PKD1L1: variants seen among roughly 807,000 people sequenced by gnomAD.
PKD1L1 encodes polycystin 1 like 1, transient receptor potential channel interacting.
Under a neutral mutation model 323.4 loss-of-function variants are expected in PKD1L1, and 236 were observed. The observed-to-expected ratio is 0.73, with a 90% CI of 0.66 to 0.81. The LOEUF is 0.81. Ranked by LOEUF, PKD1L1 falls within the 40% of genes least tolerant of loss-of-function variation. PKD1L1 has a pLI of 0.00. For synonymous variants in PKD1L1, 1,344 were observed against 1,335.0 expected, an observed-to-expected ratio of 1.01 and a Z score of -0.15; for missense variants, 3,320 against 3,508.0, an observed-to-expected ratio of 0.95 and a Z score of 1.35.
At chr7:47,952,446 G>A (rs1346662665), upstream of PKD1L1, among the ~76,000 whole-genome samples, 3 of 152,158 alleles carry the variant, frequency 2.0e-5, no homozygotes, top group Non-Finnish European at 1.5e-5. Context: ...GCCTTGCTCC[G>A]CCCCATGGGC....
intron 21 of PKD1L1, among the ~76,000 whole-genome samples, chr7:47,879,504 G>A (rs1416931599): frequency 2.0e-5 from 3 of 151,548 alleles, no homozygotes; most frequent in African/African-American, 7.3e-5. Context: ...GTGGTGGCAG[G>A]CAGCTGTAAT....
intron 56 of PKD1L1, among the ~76,000 whole-genome samples, chr7:47,785,126 A>T (rs1324928554): frequency 1.3e-5 from 2 of 152,158 alleles, no homozygotes; most frequent in Non-Finnish European, 2.9e-5. Flanking sequence ...AACATGCTGA[A>T]TGAAGTCTGG....
At chr7:47,879,632 C>CAAAA (rs1254218793) in intron 21 of PKD1L1, among the ~76,000 whole-genome samples, 3 of 58,732 alleles carry the variant, frequency 5.1e-5, no homozygotes, top group Non-Finnish European at 6.5e-5. Context: ...GACTTTGTCT[C>CAAAA]AAAAAAAAAA....
chr7:47,800,389 G>A (rs1177030220), intron 54 of PKD1L1, among the ~76,000 whole-genome samples: 2 of 152,220 alleles, frequency 1.3e-5, no homozygotes, highest in Non-Finnish European at 2.9e-5. Flanking sequence ...GAGTGAGGGG[G>A]GCCAGGGAAG....
At chr7:47,902,654 G>A in intron 12 of PKD1L1, 143 bp from the exon 13 acceptor site, 1 of 1,068,980 alleles carries the variant, frequency 9.4e-7, no homozygotes, top group Non-Finnish European at 1.3e-6. Context: ...AAGAGTCAAG[G>A]GTCACAAGAC....
intron 15 of PKD1L1, 108 bp downstream of exon 15, chr7:47,893,767 TTGA>T: frequency 1.7e-6 from 2 of 1,147,474 alleles, no homozygotes; most frequent in Non-Finnish European, 2.4e-6. Context: ...TTAACGAAAG[TTGA>T]TGTGCTTAAA....
At position 47,800,803 on chromosome 7, in the gene PKD1L1, C is replaced by T; in HGVS notation, c.8039G>A (p.Gly2680Asp). ...FLLSMWVLPP[G>D]TFTDAFPGLL... The stretch of plus-strand genomic sequence containing the variant: ...CCCGGGGAAGGCGTCTGTGAAGGTG[C>T]CAGGTGGTAGAACCCACATAGAGAG... Residue 2680 changes from glycine to aspartate, a missense_variant, in exon 54 of 57, where the codon GGC becomes GAC. Coordinates refer to ENST00000289672, the MANE Select transcript of PKD1L1 (RefSeq NM_138295.5). The T allele has an allele frequency of 6.2e-7, 1 of 1,614,112 alleles. No homozygotes were observed. Among genetic ancestry groups the T allele is most frequent in the Non-Finnish European group, 8.5e-7 (1 of 1,180,028 alleles).
the PKD1L1 span, among the ~76,000 whole-genome samples, chr7:47,956,113 T>C: frequency 1.3e-5 from 2 of 152,138 alleles, no homozygotes; most frequent in South Asian, 4.1e-4. Context: ...ATCCCAGAAA[T>C]TGGGAGTGAA....
intron 5 of PKD1L1, 63 bp downstream of exon 5, chr7:47,931,873 T>G (rs1787777215): frequency 1.3e-6 from 2 of 1,563,172 alleles, no homozygotes; most frequent in Admixed American, 3.6e-5. Flanking sequence ...GTCTCCCCCA[T>G]ATGCATCAGA....
upstream of PKD1L1, among the ~76,000 whole-genome samples, chr7:47,951,400 T>C (rs1243142684): frequency 6.6e-6 from 1 of 152,258 alleles, no homozygotes; most frequent in Non-Finnish European, 1.5e-5. Flanking sequence ...ACATTCTGTA[T>C]TTCAGATTTA....
At position 47,874,028 on chromosome 7, in the gene PKD1L1, A is replaced by T; in HGVS notation, c.3785-18T>A. On this transcript the variant is annotated intron_variant, in intron 23 of 56. Transcript: ENST00000289672. ...AACCATGACTGTGAGGGAACATGTCAGAAGAGGGTCATCTTGGACATGTGG... is the reference window on the plus strand; with the variant it reads ...AACCATGACTGTGAGGGAACATGTCTGAAGAGGGTCATCTTGGACATGTGG... 6.7e-7 allele frequency: 1 copy of T among 1,497,770 alleles called. No homozygotes were observed. The highest frequency in any genetic ancestry group is 9.3e-7 in the Non-Finnish European group (1 of 1,078,780). The allele number at this position is 1,497,770 out of a possible 1,614,324, so 92.8% of individuals were successfully genotyped here.
At chr7:47,943,610 C>T (rs1788042170) in intron 1 of PKD1L1, 99 bp from the exon 2 acceptor site, 2 of 935,782 alleles carry the variant, frequency 2.1e-6, no homozygotes, top group African/African-American at 1.6e-5. Flanking sequence ...CATATTTCTG[C>T]CACAAAAGTA....
At chr7:47,796,956 C>T (rs576268827) in intron 54 of PKD1L1, among the ~76,000 whole-genome samples, 2 of 148,950 alleles carry the variant, frequency 1.3e-5, no homozygotes, top group African/African-American at 5.0e-5. Flanking sequence ...GCAGAGATTG[C>T]GCCACTGCAC....
At position 47,811,906 on chromosome 7, in the gene PKD1L1, T is replaced by C. The variant is rs769091129; in HGVS notation, c.7492A>G (p.Thr2498Ala). The C allele has an allele frequency of 9.9e-6, 16 of 1,610,460 alleles. No homozygotes were observed. The highest frequency in any genetic ancestry group is 1.4e-5 in the Non-Finnish European group (16 of 1,178,592). The change falls in exon 50 of 57, where the codon ACG (threonine) becomes GCG (alanine). Residue 2498 changes from threonine (T) to alanine (A), a missense_variant. Physicochemically the swap from Thr to Ala is moderately conservative, Grantham distance 58 (BLOSUM62 0). Coordinates refer to ENST00000289672, the MANE Select transcript of PKD1L1 (RefSeq NM_138295.5). ...SVSLRVEILPTGSLVPSSLVE... is the reference protein window; with the variant it reads ...SVSLRVEILPAGSLVPSSLVE... Reference sequence around the variant, plus strand: ...AGGGATGAGGGGACGAGACTCCCCGTAGGGAGGATCTCCACTCTCAGGGAC... The same window carrying C: ...AGGGATGAGGGGACGAGACTCCCCGCAGGGAGGATCTCCACTCTCAGGGAC...
chr7:47,957,307 C>T, the PKD1L1 span: 2 of 153,076 alleles, frequency 1.3e-5, no homozygotes, highest in Non-Finnish European at 2.9e-5. Context: ...TGAACATTTA[C>T]AGAATAGGAA....
intron 45 of PKD1L1, among the ~76,000 whole-genome samples, chr7:47,826,868 T>C (rs1232012214): frequency 1.3e-5 from 2 of 152,258 alleles, no homozygotes; most frequent in Non-Finnish European, 2.9e-5. Context: ...CATATCTGAA[T>C]ATTAAACTTA....
At chr7:47,874,923 A>G (rs2128745336) in intron 23 of PKD1L1, among the ~76,000 whole-genome samples, 1 of 152,344 alleles carries the variant, frequency 6.6e-6, no homozygotes, top group Non-Finnish European at 1.5e-5. Context: ...ACAATTACAA[A>G]CAAATTGTGG....
At chr7:47,879,700 G>A (rs1377708564) in intron 21 of PKD1L1, among the ~76,000 whole-genome samples, 6 of 146,746 alleles carry the variant, frequency 4.1e-5, no homozygotes, top group Middle Eastern at 3.6e-3. Flanking sequence ...TTGGGAGGCT[G>A]AGACGGGCAG....
At chr7:47,880,269 T>TAC (rs1457749315) in intron 21 of PKD1L1, among the ~76,000 whole-genome samples, 1 of 76,748 alleles carries the variant, frequency 1.3e-5, no homozygotes, top group African/African-American at 6.5e-5. Context: ...TATATACATA[T>TAC]ATATATATAT....
Sources: gnomAD v4.1 joint callset for allele counts (sites outside exome capture counted in the v4.1 genomes callset) on GRCh38, gnomAD v4.1.1 for gene constraint, MANE v1.5 for transcripts, NCBI Gene and HGNC (gene_info 2026-07-23, HGNC 2026-07-21) for gene names.